Variants in PHIP observed in about 807,000 individuals in gnomAD.
PHIP encodes the protein PHIP subunit of CUL4-Ring ligase complex.
A neutral mutation model predicts 236.8 loss-of-function variants in PHIP; 54 were observed. That is an observed-to-expected ratio of 0.23 (90% CI 0.18 to 0.29). PHIP has a LOEUF of 0.29. Ranked by LOEUF, PHIP falls within the 10% of genes least tolerant of loss-of-function variation. PHIP has a pLI of 1.00. For missense variants in PHIP, 1,370 were observed against 2,190.8 expected (o/e 0.63, Z 7.48); for synonymous variants, 756 against 718.9 (o/e 1.05, Z -0.83).
chr6:79,038,863 C>T (rs922475644), intron 7 of PHIP, among the ~76,000 whole-genome samples: 1 of 152,168 alleles, frequency 6.6e-6, no homozygotes, highest in Non-Finnish European at 1.5e-5. Flanking sequence ...AACTTCTCCC[C>T]TTAAATTCCT....
chr6:79,071,689 G>A (rs1773888360), intron 4 of PHIP, among the ~76,000 whole-genome samples: 1 of 152,078 alleles, frequency 6.6e-6, no homozygotes, highest in African/African-American at 2.4e-5. Flanking sequence ...TAGTATTACA[G>A]ATATTTTTCT....
intron 15 of PHIP, among the ~76,000 whole-genome samples, chr6:79,006,277 C>T (rs995908654): frequency 6.6e-6 from 1 of 151,934 alleles, no homozygotes; most frequent in Non-Finnish European, 1.5e-5. Context: ...ACACCCATAT[C>T]TATAAACTGC....
At chr6:79,062,839 T>C (rs1300595997) in intron 4 of PHIP, among the ~76,000 whole-genome samples, 1 of 152,168 alleles carries the variant, frequency 6.6e-6, no homozygotes, top group Non-Finnish European at 1.5e-5. Context: ...TTGTCTTACC[T>C]GCTCACCTCT....
chr6:79,029,387 T>C (rs1051525187), intron 7 of PHIP, among the ~76,000 whole-genome samples: 1 of 152,144 alleles, frequency 6.6e-6, no homozygotes, highest in Non-Finnish European at 1.5e-5. Context: ...AATCTGAGCA[T>C]GAATTCAATG....
chr6:79,067,610 G>A (rs1052274114), intron 4 of PHIP: 1 of 152,008 alleles, frequency 6.6e-6, no homozygotes, highest in Non-Finnish European at 1.5e-5. Context: ...CAATAACAAT[G>A]CTTAGCTTAA....
At chr6:79,016,790 G>C (rs376333980) in intron 12 of PHIP, 148 bp from the exon 13 acceptor site, 4 of 503,740 alleles carry the variant, frequency 7.9e-6, no homozygotes, top group African/African-American at 7.9e-5. Flanking sequence ...GGGCTTTTTA[G>C]AATTTTATAT....
rs1442638415 is a variant in PHIP at position 78,938,566 on chromosome 6, C to T, written c.*2127G>A. On this transcript the variant is annotated 3_prime_UTR_variant, in exon 40 of 40. Transcript: ENST00000275034. ...CAACTAATTAATGACAAATTTCAAA[C>T]ATACACTATTATTTTCAAGAATGGT... 1 of 151,532 alleles carries T rather than the reference C, an allele frequency of 6.6e-6. No individual in the cohort carries two copies. The highest frequency in any genetic ancestry group is 2.4e-5 in the African/African-American group (1 of 41,386). 9.4% of individuals were successfully genotyped at this position (151,532 alleles called of 1,614,324 possible). A position where few individuals can be genotyped will look rare whatever the true frequency, so the allele number is the denominator to read the frequency against.
In PHIP at chr6:78,941,095, AG is replaced by A; in HGVS notation, c.5063del (p.Pro1688LeufsTer14). On this transcript the variant is annotated frameshift_variant, in exon 40 of 40. Transcript: ENST00000275034. LOFTEE classifies it high-confidence loss of function. The stretch of plus-strand genomic sequence containing the variant: ...CAGAAAGAAAATTGCATGTTGAAGA[AG>A]GAAGTACTTCATCTCTGATGGGATG... ...NVHPIRDEVL[P>X]SSTCNFLSET... 6.2e-7 allele frequency: 1 copy of A among 1,614,080 alleles called. No homozygotes were observed. The highest frequency in any genetic ancestry group is 8.5e-7 in the Non-Finnish European group (1 of 1,179,938).
At chr6:79,049,612 A>G (rs1772685826) in intron 6 of PHIP, among the ~76,000 whole-genome samples, 1 of 152,214 alleles carries the variant, frequency 6.6e-6, no homozygotes, top group South Asian at 2.1e-4. Context: ...ACTGTAAAAC[A>G]ACAGTTTGGA....
At position 78,977,749 on chromosome 6, in the gene PHIP, C is replaced by A. The variant is rs1768212010; in HGVS notation, c.2889+843G>T. ...TAAGATCTATCACTGTACTATATCA[C>A]AACAATGTGGTAATGTTCTGTGCTC... On this transcript the variant is annotated intron_variant, in intron 24 of 39. Coordinates refer to ENST00000275034, the MANE Select transcript of PHIP (RefSeq NM_017934.7). 2.0e-5 allele frequency among the ~76,000 whole-genome samples: 3 copies of A among 152,252 alleles called. No homozygotes were observed. In the South Asian group the frequency reaches 6.2e-4, roughly 32 times the overall value.
intron 6 of PHIP, among the ~76,000 whole-genome samples, chr6:79,044,600 A>G (rs1049920337): frequency 8.5e-5 from 13 of 152,196 alleles, no homozygotes; most frequent in African/African-American, 2.9e-4. Flanking sequence ...TTGTAAGAAA[A>G]TAAGTGATGA....
In PHIP at chr6:79,024,782, G is replaced by A. The variant is rs1003905124; in HGVS notation, c.923+737C>T. On this transcript the variant is annotated intron_variant, in intron 9 of 39. Coordinates refer to ENST00000275034, the MANE Select transcript of PHIP (RefSeq NM_017934.7). Reference sequence around the variant, plus strand: ...ATCGCGACACTGCAATCCAGCCTGGGCGACACAGTGAGACTCCGTCTCAAA... The same window carrying A: ...ATCGCGACACTGCAATCCAGCCTGGACGACACAGTGAGACTCCGTCTCAAA... 4.9e-4 allele frequency among the ~76,000 whole-genome samples: 75 copies of A among 152,178 alleles called. 1 individual carries two copies. Among genetic ancestry groups the A allele is most frequent in the Non-Finnish European group, 2.4e-4 (16 of 68,034 alleles).
intron 15 of PHIP, among the ~76,000 whole-genome samples, chr6:79,013,728 A>G (rs1048771653): frequency 1.3e-5 from 2 of 151,684 alleles, no homozygotes; most frequent in South Asian, 2.1e-4. Context: ...GCGGTATTCA[A>G]TTATGGGAGA....
chr6:78,985,322 C>T, intron 22 of PHIP, 30 bp downstream of exon 22: 1 of 1,233,872 alleles, frequency 8.1e-7, no homozygotes, highest in Middle Eastern at 1.9e-4. Context: ...CTTTATATAA[C>T]ATTTGGAAAA....
chr6:79,045,567 C>T (rs1429877837), intron 6 of PHIP, among the ~76,000 whole-genome samples: 2 of 151,912 alleles, frequency 1.3e-5, no homozygotes, highest in Non-Finnish European at 2.9e-5. Context: ...ATAAGATATA[C>T]AAGATGGTTC....
chr6:78,998,621 T>TA (rs1370331305), intron 17 of PHIP, among the ~76,000 whole-genome samples: 1 of 152,176 alleles, frequency 6.6e-6, no homozygotes, highest in Non-Finnish European at 1.5e-5. Context: ...TACTAAGTGT[T>TA]TATCATGACT....
intron 35 of PHIP, among the ~76,000 whole-genome samples, chr6:78,952,870 G>T (rs946328972): frequency 6.7e-6 from 1 of 148,914 alleles, no homozygotes; most frequent in African/African-American, 2.5e-5. Context: ...TTTTTTCTTG[G>T]TGGTACATAT....
At position 79,003,703 on chromosome 6, in the gene PHIP, A is replaced by C. The variant is rs751187787; in HGVS notation, c.1653+27T>G. 54 of 1,523,216 alleles carry C rather than the reference A, an allele frequency of 3.5e-5. No individual in the cohort carries two copies. In the South Asian group the frequency reaches 6.4e-4, roughly 18 times the overall value. The allele number at this position is 1,523,216 out of a possible 1,614,324, so 94.4% of individuals were successfully genotyped here. On this transcript the variant is annotated intron_variant, in intron 16 of 39. Transcript: ENST00000275034. ...AAACATGCATTAAAAAAAAATAAGG[A>C]CATGATATATAGTCATCATACTCTA...
intron 15 of PHIP, 119 bp from the exon 16 acceptor site, chr6:79,003,977 A>T: frequency 1.6e-6 from 1 of 610,428 alleles, no homozygotes; most frequent in Admixed American, 3.8e-5. Flanking sequence ...GATTAAGTAA[A>T]ACAAGCATTG....
Sources: gnomAD v4.1 joint callset for allele counts (sites outside exome capture counted in the v4.1 genomes callset) on GRCh38, gnomAD v4.1.1 for gene constraint, MANE v1.5 for transcripts, NCBI Gene and HGNC (gene_info 2026-07-23, HGNC 2026-07-21) for gene names.